STOX2: variants seen among roughly 807,000 people sequenced by gnomAD.
STOX2 encodes storkhead box 2.
Under a neutral mutation model 60.9 loss-of-function variants are expected in STOX2, and 28 were observed. The observed-to-expected ratio is 0.46, with a 90% CI of 0.34 to 0.63. STOX2 has a LOEUF of 0.63. Ranked by LOEUF, STOX2 falls within the 30% of genes least tolerant of loss-of-function variation. The probability of loss-of-function intolerance (pLI) is 0.01; values close to 1 mark genes in which losing one functional copy is unlikely to be tolerated. For missense variants in STOX2, 1,024 were observed against 1,187.7 expected (o/e 0.86, Z 2.03); for synonymous variants, 472 against 463.9 (o/e 1.02, Z -0.22).
intron 1 of STOX2, among the ~76,000 whole-genome samples, chr4:183,812,536 G>A (rs912372611): frequency 7.2e-5 from 11 of 152,152 alleles, no homozygotes; most frequent in Admixed American, 7.2e-4. Flanking sequence ...ACTCAGTTAC[G>A]TGCTGATAGA....
chr4:183,959,540 A>G (rs1476917911), intron 1 of STOX2, among the ~76,000 whole-genome samples: 1 of 152,184 alleles, frequency 6.6e-6, no homozygotes, highest in African/African-American at 2.4e-5. Context: ...GTTTGCGGGC[A>G]TGCTTTTTAC....
chr4:183,818,790 G>C (rs1244455664), intron 1 of STOX2, among the ~76,000 whole-genome samples: 9 of 152,066 alleles, frequency 5.9e-5, no homozygotes, highest in Non-Finnish European at 5.9e-5. Context: ...CTCCCAGACG[G>C]GGTGGCTGCC....
chr4:183,944,871 T>C (rs1742843494), intron 1 of STOX2, among the ~76,000 whole-genome samples: 1 of 152,224 alleles, frequency 6.6e-6, no homozygotes, highest in African/African-American at 2.4e-5. Context: ...CTTTTACTCA[T>C]TCAACAAATT....
chr4:183,887,382 T>C (rs1025729324), intron 1 of STOX2, among the ~76,000 whole-genome samples: 5 of 152,204 alleles, frequency 3.3e-5, no homozygotes, highest in African/African-American at 1.2e-4. Context: ...GATTTAGTAT[T>C]TGGAGAGATT....
At chr4:183,801,002 G>C (rs773277048) in intron 1 of STOX2, among the ~76,000 whole-genome samples, 1 of 152,208 alleles carries the variant, frequency 6.6e-6, no homozygotes, top group Non-Finnish European at 1.5e-5. Context: ...GATTTGCCAG[G>C]AGTTAATATT....
intron 1 of STOX2, among the ~76,000 whole-genome samples, chr4:183,979,226 CG>C (rs890237835): frequency 2.1e-4 from 32 of 152,038 alleles, no homozygotes; most frequent in Middle Eastern, 3.4e-3. Flanking sequence ...ACAAAAAGGT[CG>C]GGGGGCGGGC....
In STOX2 at chr4:184,021,933, A is replaced by G. The variant is rs1037966232; in HGVS notation, c.*4649A>G. The stretch of plus-strand genomic sequence containing the variant: ...GCAGGAGCAATCTCTTCTATCCCCC[A>G]TCTCCCCCAGGACCATCCCGCCCAT... On this transcript the variant is annotated 3_prime_UTR_variant, in exon 4 of 4. Transcript: ENST00000308497. 7.9e-5 allele frequency: 12 copies of G among 152,232 alleles called. No individual in the cohort carries two copies. Among genetic ancestry groups the G allele is most frequent in the African/African-American group, 2.9e-4 (12 of 41,336 alleles). The allele number at this position is 152,232 out of a possible 1,614,324, so 9.4% of individuals were successfully genotyped here. A position where few individuals can be genotyped will look rare whatever the true frequency, so the allele number is the denominator to read the frequency against.
intron 1 of STOX2, among the ~76,000 whole-genome samples, chr4:183,898,709 A>C (rs1227212558): frequency 6.6e-6 from 1 of 152,152 alleles, no homozygotes; most frequent in African/African-American, 2.4e-5. Flanking sequence ...AGAGAGTGAC[A>C]ATGAAAATGA....
intron 1 of STOX2, among the ~76,000 whole-genome samples, chr4:183,854,966 A>T (rs1343464224): frequency 6.6e-6 from 1 of 152,182 alleles, no homozygotes; most frequent in Non-Finnish European, 1.5e-5. Flanking sequence ...CCGAATATGA[A>T]ATGTTCCATG....
intron 1 of STOX2, among the ~76,000 whole-genome samples, chr4:183,827,929 AAC>A: frequency 6.6e-6 from 1 of 151,806 alleles, no homozygotes; most frequent in Non-Finnish European, 1.5e-5. Flanking sequence ...GCCCCAGTAT[AAC>A]CTCAATGCCA....
At chr4:183,881,354 A>G (rs80241159) in intron 1 of STOX2, among the ~76,000 whole-genome samples, 1 of 152,156 alleles carries the variant, frequency 6.6e-6, no homozygotes, top group Non-Finnish European at 1.5e-5. Flanking sequence ...TACAAAAAAA[A>G]TTAGTTAGGT....
intron 2 of STOX2, among the ~76,000 whole-genome samples, chr4:184,007,007 C>A: frequency 1.1e-5 from 1 of 89,162 alleles, no homozygotes; most frequent in Non-Finnish European, 1.9e-5. Context: ...CAGAGCGAGA[C>A]TCTGTCTCAA....
At position 184,018,883 on chromosome 4, in the gene STOX2, A is replaced by G. The variant is rs1001458837; in HGVS notation, c.*1599A>G. ...AGTGTTCTGACATAAAGTTTTATTT[A>G]GTTCAGTGGCATGTGCTGTTGGGAG... On this transcript the variant is annotated 3_prime_UTR_variant, in exon 4 of 4. Coordinates refer to ENST00000308497, the MANE Select transcript of STOX2 (RefSeq NM_020225.3). 4.6e-5 allele frequency: 7 copies of G among 152,242 alleles called. No individual in the cohort carries two copies. The highest frequency in any genetic ancestry group is 2.9e-5 in the Non-Finnish European group (2 of 68,032). The allele number at this position is 152,242 out of a possible 1,614,324, so 9.4% of individuals were successfully genotyped here. A position where few individuals can be genotyped will look rare whatever the true frequency, so the allele number is the denominator to read the frequency against.
At chr4:183,917,795 G>A (rs775470447) in intron 1 of STOX2, among the ~76,000 whole-genome samples, 21 of 152,208 alleles carry the variant, frequency 1.4e-4, no homozygotes, top group African/African-American at 3.4e-4. Flanking sequence ...GTAAGGCAGC[G>A]CTGTGATTTA....
At chr4:183,997,769 A>T (rs1420513605) in intron 1 of STOX2, among the ~76,000 whole-genome samples, 1 of 152,232 alleles carries the variant, frequency 6.6e-6, no homozygotes, top group African/African-American at 2.4e-5. Context: ...AGGTGGAGAC[A>T]GTTACTTAGA....
chr4:183,976,203 G>A (rs934256355), intron 1 of STOX2, among the ~76,000 whole-genome samples: 1 of 152,072 alleles, frequency 6.6e-6, no homozygotes, highest in Admixed American at 6.6e-5. Context: ...TCCCAGCTAC[G>A]CAGGAGGCTG....
At chr4:183,899,504 G>A (rs1741417858) in intron 1 of STOX2, among the ~76,000 whole-genome samples, 1 of 152,176 alleles carries the variant, frequency 6.6e-6, no homozygotes. Context: ...CAGACTTAAT[G>A]CTGGTATGGA....
chr4:183,875,629 A>C (rs1332931181), intron 1 of STOX2, among the ~76,000 whole-genome samples: 1 of 152,240 alleles, frequency 6.6e-6, no homozygotes, highest in Admixed American at 6.5e-5. Flanking sequence ...ATTGAGTGGC[A>C]GCCTGTGTTT....
intron 1 of STOX2, among the ~76,000 whole-genome samples, chr4:183,854,563 A>G (rs1411679337): frequency 2.0e-5 from 3 of 152,222 alleles, no homozygotes; most frequent in African/African-American, 7.2e-5. Flanking sequence ...ATAAAAAGTA[A>G]AAGTGTTTTA....
Sources: gnomAD v4.1 joint callset for allele counts (sites outside exome capture counted in the v4.1 genomes callset) on GRCh38, gnomAD v4.1.1 for gene constraint, MANE v1.5 for transcripts, NCBI Gene and HGNC (gene_info 2026-07-23, HGNC 2026-07-21) for gene names.